Variants in TMEM87A observed in about 807,000 individuals in gnomAD.
The protein encoded by TMEM87A is Golgi-pH regulating cation channel.
A neutral mutation model predicts 90.0 loss-of-function variants in TMEM87A; 50 were observed. The observed-to-expected ratio is 0.56, with a 90% CI of 0.44 to 0.70. TMEM87A has a LOEUF of 0.70. Among genes scored for constraint, TMEM87A ranks in the 30% least tolerant of loss-of-function variants. TMEM87A has a pLI of 0.00. For missense variants in TMEM87A, 577 were observed against 660.5 expected, an observed-to-expected ratio of 0.87 and a Z score of 1.39; for synonymous variants, 226 against 226.7, an observed-to-expected ratio of 1.00 and a Z score of 0.03.
At chr15:42,257,937 A>T (rs1229145333) in intron 6 of TMEM87A, 1 of 983,952 alleles carries the variant, frequency 1.0e-6, no homozygotes, top group Admixed American at 6.1e-5. Flanking sequence ...TAAAACTATT[A>T]GAACATAAAA....
Position 42,237,487 on chromosome 15 carries a change from A to G in TMEM87A, c.813T>C (p.Leu271=). ...ATTCCGCATAGAAGACAGCTTTCTC[A>G]AGCATTCCCAGGAAGATGACAGCAC... ...WIGAVIFLGM[L]EKAVFYAEFQ... Residue 271 remains leucine, a synonymous_variant, in exon 9 of 20, where the codon CTT becomes CTC. Transcript: ENST00000389834. 6.2e-7 allele frequency: 1 copy of G among 1,613,296 alleles called. No individual in the cohort carries two copies. Among genetic ancestry groups the G allele is most frequent in the South Asian group, 1.1e-5 (1 of 91,060 alleles).
At chr15:42,259,505 G>C (rs939620550) in intron 6 of TMEM87A, among the ~76,000 whole-genome samples, 1 of 152,146 alleles carries the variant, frequency 6.6e-6, no homozygotes, top group Admixed American at 6.5e-5. Context: ...ATCACCCAGT[G>C]TCAACAACCC....
At chr15:42,273,223 T>A (rs370752042) in intron 1 of TMEM87A, 32 bp downstream of exon 1, 2 of 1,612,782 alleles carry the variant, frequency 1.2e-6, no homozygotes, top group Non-Finnish European at 1.7e-6. Context: ...CTTGCTCCTC[T>A]AGGTTCAGAC....
intron 8 of TMEM87A, among the ~76,000 whole-genome samples, chr15:42,238,122 A>G (rs934400809): frequency 1.3e-5 from 2 of 152,154 alleles, no homozygotes; most frequent in Non-Finnish European, 2.9e-5. Flanking sequence ...GAGAGCACTC[A>G]GCCTGCTCTC....
chr15:42,248,536 A>G (rs2051020758), intron 6 of TMEM87A, among the ~76,000 whole-genome samples: 1 of 152,196 alleles, frequency 6.6e-6, no homozygotes, highest in Admixed American at 6.5e-5. Flanking sequence ...ATCTATTGAG[A>G]TAATCATGTG....
chr15:42,270,304 A>G (rs994739637), intron 2 of TMEM87A, among the ~76,000 whole-genome samples: 13 of 152,244 alleles, frequency 8.5e-5, no homozygotes, highest in Middle Eastern at 3.4e-3. Context: ...CAGGAAGCAG[A>G]GGTTACAGTG....
chr15:42,212,916 C>G (rs2050317386), intron 19 of TMEM87A, among the ~76,000 whole-genome samples: 1 of 152,106 alleles, frequency 6.6e-6, no homozygotes, highest in Admixed American at 6.5e-5. Flanking sequence ...GTGATGTCAG[C>G]AAGATGACAG....
Position 42,244,134 on chromosome 15 carries a change from C to T in TMEM87A, c.538G>A (p.Ala180Thr). The T allele has an allele frequency of 6.4e-7, 1 of 1,571,824 alleles. No homozygotes were observed. Among genetic ancestry groups the T allele is most frequent in the Admixed American group, 2.0e-5 (1 of 49,066 alleles). Residue 180 changes from alanine (A) to threonine (T), a missense_variant, in exon 7 of 20, where the codon GCA becomes ACA. By Grantham distance (58) the Ala-to-Thr change is moderately conservative. Coordinates refer to ENST00000389834, the MANE Select transcript of TMEM87A (RefSeq NM_015497.5). Reference sequence around the variant, plus strand: ...ATATGTACAATAAAAATGTATGGTGCATCTTGCCAAGTTTGCAATGGTTCA... The same window carrying T: ...ATATGTACAATAAAAATGTATGGTGTATCTTGCCAAGTTTGCAATGGTTCA... ...MHEPLQTWQDAPYIFIVHIGI... is the reference protein window; with the variant it reads ...MHEPLQTWQDTPYIFIVHIGI...
At chr15:42,228,848 T>A (rs1441843281) in intron 12 of TMEM87A, 28 bp from the exon 13 acceptor site, 2 of 1,512,478 alleles carry the variant, frequency 1.3e-6, no homozygotes, top group Admixed American at 4.3e-5. Flanking sequence ...AATTCAACAT[T>A]CAGGAAAAAA....
At chr15:42,238,975 G>A (rs918857517) in intron 8 of TMEM87A, among the ~76,000 whole-genome samples, 4 of 151,896 alleles carry the variant, frequency 2.6e-5, no homozygotes. Flanking sequence ...ACAGACGTAT[G>A]CACACATACA....
chr15:42,236,190 A>T, intron 10 of TMEM87A, 130 bp downstream of exon 10: 1 of 823,472 alleles, frequency 1.2e-6, no homozygotes, highest in Non-Finnish European at 2.0e-6. Context: ...CAAAATTTCA[A>T]ATACCTTTCT....
chr15:42,229,514 C>T (rs539219373), intron 12 of TMEM87A, among the ~76,000 whole-genome samples: 1 of 152,050 alleles, frequency 6.6e-6, no homozygotes, highest in South Asian at 2.1e-4. Context: ...ACATCATCTT[C>T]TCTCTCCCTT....
chr15:42,218,892 T>C (rs999857559), intron 17 of TMEM87A: 1 of 154,150 alleles, frequency 6.5e-6, no homozygotes, highest in Non-Finnish European at 1.4e-5. Context: ...AAGTATCTCT[T>C]TAACATACTG....
intron 17 of TMEM87A, 75 bp downstream of exon 17, chr15:42,219,506 G>A: frequency 1.6e-6 from 2 of 1,227,446 alleles, no homozygotes; most frequent in Non-Finnish European, 2.3e-6. Context: ...TTTTCCTCCT[G>A]TTTTCTTCTA....
chr15:42,219,953 A>T, intron 16 of TMEM87A, 109 bp downstream of exon 16: 1 of 1,049,890 alleles, frequency 9.5e-7, no homozygotes, highest in Non-Finnish European at 1.4e-6. Flanking sequence ...CTTAACCCTG[A>T]CTTCATCCCA....
chr15:42,270,325 G>A (rs533978168), intron 2 of TMEM87A, among the ~76,000 whole-genome samples: 1 of 152,106 alleles, frequency 6.6e-6, no homozygotes, highest in African/African-American at 2.4e-5. Context: ...AGCCGAGATC[G>A]TGCCACTGCA....
chr15:42,216,392 C>CA (rs1387708048), intron 19 of TMEM87A, among the ~76,000 whole-genome samples: 6 of 151,114 alleles, frequency 4.0e-5, no homozygotes, highest in Non-Finnish European at 7.4e-5. Context: ...TTTCTTACCA[C>CA]AAAAAAGCCT....
At chr15:42,230,969 G>A (rs2050676374) in intron 12 of TMEM87A, among the ~76,000 whole-genome samples, 1 of 151,888 alleles carries the variant, frequency 6.6e-6, no homozygotes, top group East Asian at 1.9e-4. Flanking sequence ...CTCGAGCTCG[G>A]TCCACAGTCA....
chr15:42,248,712 G>A (rs572269336), intron 6 of TMEM87A, among the ~76,000 whole-genome samples: 2 of 152,206 alleles, frequency 1.3e-5, no homozygotes, highest in South Asian at 2.1e-4. Flanking sequence ...TTTTCGCATC[G>A]ATGTTCATCG....
Sources: allele counts gnomAD v4.1 joint callset (sites outside exome capture counted in the v4.1 genomes callset), GRCh38; gene constraint gnomAD v4.1.1; transcripts MANE v1.5; gene names NCBI Gene and HGNC (gene_info 2026-07-23, HGNC 2026-07-21).